Variants in NTN4 observed in about 807,000 individuals in gnomAD.
NTN4 encodes netrin-4.
A neutral mutation model predicts 73.6 loss-of-function variants in NTN4; 32 were observed. That is an observed-to-expected ratio of 0.44 (90% confidence interval 0.33 to 0.58). The LOEUF (loss-of-function observed/expected upper bound fraction) is 0.58. NTN4 is among the 20% of genes least tolerant of loss of function. NTN4 has a pLI of 0.04. For missense variants in NTN4, 654 were observed against 798.3 expected (o/e 0.82, Z 2.18); for synonymous variants, 258 against 287.5 (o/e 0.90, Z 1.04).
chr12:95,726,646 G>A (rs567702079), intron 3 of NTN4, among the ~76,000 whole-genome samples: 1 of 152,190 alleles, frequency 6.6e-6, no homozygotes, highest in African/African-American at 2.4e-5. Context: ...GAATTGCTGG[G>A]TCATATGGCA....
At chr12:95,756,752 C>T (rs1176817503) in intron 2 of NTN4, among the ~76,000 whole-genome samples, 1 of 151,930 alleles carries the variant, frequency 6.6e-6, no homozygotes, top group African/African-American at 2.4e-5. Flanking sequence ...TCTCTTTGTA[C>T]CCAACTTTAT....
chr12:95,721,430 A>G (rs1054609717), intron 3 of NTN4, among the ~76,000 whole-genome samples: 1 of 152,182 alleles, frequency 6.6e-6, no homozygotes, highest in African/African-American at 2.4e-5. Context: ...CACTGGTTCT[A>G]TGTAAAACCT....
chr12:95,779,882 C>T (rs138067818), intron 2 of NTN4, among the ~76,000 whole-genome samples: 4,225 of 152,302 alleles, frequency 0.028, 543 homozygotes, highest in Admixed American at 0.21. Flanking sequence ...AAGCTGGAGG[C>T]ATCACGCTAC....
At chr12:95,745,662 TTATTA>T (rs747722550) in intron 2 of NTN4, among the ~76,000 whole-genome samples, 7 of 152,214 alleles carry the variant, frequency 4.6e-5, no homozygotes, top group Non-Finnish European at 1.0e-4. Context: ...GTTTTTCTTT[TTATTA>T]TGAGTTGTAT....
intron 2 of NTN4, among the ~76,000 whole-genome samples, chr12:95,770,988 A>AATTTTTTTTTTTTTTTT (rs2079053316): frequency 1.2e-4 from 7 of 58,068 alleles, no homozygotes; most frequent in African/African-American, 3.1e-4. Context: ...CAGGAAAAGA[A>AATTTTTTTTTTTTTTTT]TTTGTTTTTT....
intron 2 of NTN4, among the ~76,000 whole-genome samples, chr12:95,757,673 G>C (rs888568222): frequency 4.7e-5 from 6 of 127,400 alleles, no homozygotes; most frequent in Admixed American, 1.6e-4. Flanking sequence ...GAAAGAAGAA[G>C]AGCCAAAAAT....
At chr12:95,783,042 T>A (rs2079143950) in intron 2 of NTN4, among the ~76,000 whole-genome samples, 2 of 152,212 alleles carry the variant, frequency 1.3e-5, no homozygotes, top group African/African-American at 4.8e-5. Context: ...AATTAACCTA[T>A]CATTTTTAGC....
chr12:95,724,783 A>G (rs1163986464), intron 3 of NTN4, among the ~76,000 whole-genome samples: 1 of 152,152 alleles, frequency 6.6e-6, no homozygotes, highest in African/African-American at 2.4e-5. Flanking sequence ...CTAGGTCACT[A>G]TGCTCAGTTA....
chr12:95,751,653 G>T (rs1291218567), intron 2 of NTN4, among the ~76,000 whole-genome samples: 3 of 152,064 alleles, frequency 2.0e-5, no homozygotes, highest in African/African-American at 7.2e-5. Flanking sequence ...GCTGAAGACC[G>T]ACACTGCCCG....
Position 95,698,479 on chromosome 12 carries a change from T to C in NTN4, c.1180+11962A>G, listed in dbSNP as rs193245687. ...GAATTACTGCATTCCACTTTCTTCT[T>C]GGAAGACATTTTAGAGAATTTCATG... On this transcript the variant is annotated intron_variant, in intron 5 of 9. Coordinates refer to ENST00000343702, the MANE Select transcript of NTN4 (RefSeq NM_021229.4). Among the ~76,000 whole-genome samples, 15 of 152,330 alleles carry C rather than the reference T, an allele frequency of 9.8e-5. 1 individual carries two copies. The East Asian group carries it at 2.9e-3, about 29-fold the overall frequency.
At chr12:95,726,978 A>T (rs2078699825) in intron 3 of NTN4, among the ~76,000 whole-genome samples, 1 of 152,080 alleles carries the variant, frequency 6.6e-6, no homozygotes, top group South Asian at 2.1e-4. Flanking sequence ...TCAAAAAAAA[A>T]AAATTTTTTT....
chr12:95,785,564 C>T (rs948212445), intron 2 of NTN4, among the ~76,000 whole-genome samples: 3 of 152,162 alleles, frequency 2.0e-5, no homozygotes, highest in Non-Finnish European at 4.4e-5. Context: ...TCAAGGTGCA[C>T]ACAGAAGAAG....
Position 95,789,066 on chromosome 12 carries a change from T to G in NTN4, c.55+1189A>C, listed in dbSNP as rs2079189201. On this transcript the variant is annotated intron_variant, in intron 1 of 9. Transcript: ENST00000343702. The surrounding 1 kb of genome is among the most constrained non-coding windows in gnomAD (Gnocchi z 4.0). Reference sequence around the variant, plus strand: ...CTTTAATAGGTCCCTGGGAAAAATATCCAATAATTTTAAATGCCCCTAAAC... The same window carrying G: ...CTTTAATAGGTCCCTGGGAAAAATAGCCAATAATTTTAAATGCCCCTAAAC... 6.6e-6 allele frequency among the ~76,000 whole-genome samples: 1 copy of G among 152,266 alleles called. No individual in the cohort carries two copies. Among genetic ancestry groups the G allele is most frequent in the African/African-American group, 2.4e-5 (1 of 41,532 alleles).
chr12:95,714,129 T>A (rs2078588352), intron 3 of NTN4, among the ~76,000 whole-genome samples: 1 of 152,082 alleles, frequency 6.6e-6, no homozygotes, highest in African/African-American at 2.4e-5. Flanking sequence ...ATAGTATTTC[T>A]CCCAGAGAGA....
chr12:95,728,958 C>T (rs913000669), intron 3 of NTN4, among the ~76,000 whole-genome samples: 2 of 152,286 alleles, frequency 1.3e-5, no homozygotes, highest in Middle Eastern at 3.4e-3. Context: ...TGTCAGGGGT[C>T]TTGCTCCTGC....
At chr12:95,732,301 C>G (rs2078743496) in intron 3 of NTN4, among the ~76,000 whole-genome samples, 1 of 150,364 alleles carries the variant, frequency 6.7e-6, no homozygotes, top group South Asian at 2.1e-4. Flanking sequence ...ATTTTACAGT[C>G]AAATTTAATA....
chr12:95,756,999 AC>A, intron 2 of NTN4, among the ~76,000 whole-genome samples: 1 of 152,252 alleles, frequency 6.6e-6, no homozygotes, highest in Middle Eastern at 3.4e-3. Context: ...TCTATGTGCT[AC>A]TTCAAGCACC....
At chr12:95,706,289 C>CAAA (rs1191895328) in intron 5 of NTN4, among the ~76,000 whole-genome samples, 2 of 48,926 alleles carry the variant, frequency 4.1e-5, no homozygotes, top group Non-Finnish European at 9.0e-5. Flanking sequence ...AGAACAGTAA[C>CAAA]AAAAAAAACT....
intron 3 of NTN4, among the ~76,000 whole-genome samples, chr12:95,726,527 T>G (rs1260696885): frequency 6.6e-6 from 1 of 152,228 alleles, no homozygotes; most frequent in East Asian, 1.9e-4. Context: ...GATGGACATT[T>G]GAGTTGTCTC....
Sources: gnomAD v4.1 joint callset for allele counts (sites outside exome capture counted in the v4.1 genomes callset) on GRCh38, gnomAD v4.1.1 for gene constraint, Gnocchi (gnomAD v3.1) non-coding constraint, MANE v1.5 for transcripts, NCBI Gene and HGNC (gene_info 2026-07-23, HGNC 2026-07-21) for gene names.